Variants in INTS6 observed in about 807,000 individuals in gnomAD.
INTS6 encodes integrator complex subunit 6.
In INTS6, 16 loss-of-function variants were observed where a neutral mutation model predicts 104.9. That is an observed-to-expected ratio of 0.15 (90% confidence interval 0.10 to 0.23). The LOEUF (loss-of-function observed/expected upper bound fraction) is 0.23, where lower values mean the gene tolerates loss of function less well. INTS6 is among the 10% of genes least tolerant of loss of function. The pLI, the probability that INTS6 is intolerant of heterozygous loss-of-function variation, is 1.00. For missense variants in INTS6, 584 were observed against 1,062.8 expected, an observed-to-expected ratio of 0.55 and a Z score of 6.26; for synonymous variants, 324 against 358.7, an observed-to-expected ratio of 0.90 and a Z score of 1.09.
At chr13:51,405,161 A>G (rs2138008199) in intron 4 of INTS6, among the ~76,000 whole-genome samples, 1 of 152,334 alleles carries the variant, frequency 6.6e-6, no homozygotes, top group African/African-American at 2.4e-5. Flanking sequence ...ATGATCAAAC[A>G]CATAGGAGAC....
the INTS6 span, among the ~76,000 whole-genome samples, chr13:51,341,885 C>T: frequency 6.6e-6 from 1 of 152,214 alleles, no homozygotes; most frequent in African/African-American, 2.4e-5. Context: ...CAAGCCCAGG[C>T]TGCCTGGTTT....
intron 4 of INTS6, among the ~76,000 whole-genome samples, chr13:51,421,601 A>T (rs957651788): frequency 6.6e-6 from 1 of 152,192 alleles, no homozygotes; most frequent in African/African-American, 2.4e-5. Flanking sequence ...AGTTAAATAA[A>T]ATCACTATGG....
At chr13:51,361,213 G>GTGT, downstream of INTS6, 1 of 996,386 alleles carries the variant, frequency 1.0e-6, no homozygotes, top group South Asian at 1.4e-5. Context: ...TTTAAAGAAT[G>GTGT]TGTTCTAAAT....
intron 4 of INTS6, among the ~76,000 whole-genome samples, chr13:51,424,553 G>A (rs1956953638): frequency 1.3e-5 from 2 of 151,920 alleles, no homozygotes; most frequent in African/African-American, 4.8e-5. Flanking sequence ...AAATCCAGGG[G>A]TTGAGAGAAC....
At chr13:51,425,750 T>C (rs532781509) in intron 4 of INTS6, among the ~76,000 whole-genome samples, 4 of 152,086 alleles carry the variant, frequency 2.6e-5, no homozygotes, top group South Asian at 4.2e-4. Flanking sequence ...TCCTTTTCAA[T>C]AACTCTAATT....
chr13:51,340,207 A>G, the INTS6 span, among the ~76,000 whole-genome samples: 1 of 152,176 alleles, frequency 6.6e-6, no homozygotes, highest in East Asian at 1.9e-4. Flanking sequence ...TTGGTATGAT[A>G]CCACAGTCAG....
At chr13:51,344,150 G>A in the INTS6 span, 1 of 787,478 alleles carries the variant, frequency 1.3e-6, no homozygotes, top group Non-Finnish European at 2.1e-6. Context: ...GAGCAAGAGT[G>A]GAGTTGCTGG....
At position 51,383,745 on chromosome 13, in the gene INTS6, A is replaced by G; in HGVS notation, c.895-4T>C. On this transcript the variant is annotated splice_polypyrimidine_tract_variant and splice_region_variant and intron_variant, in intron 7 of 17. Coordinates refer to ENST00000311234, the MANE Select transcript of INTS6 (RefSeq NM_012141.3). ...CAGGATGAGATGTACGAGGTGGCTA[A>G]AGGGGAAAGTCTTGTAATTACTACT... 1 of 1,600,528 alleles carries G rather than the reference A, an allele frequency of 6.2e-7. No homozygotes were observed. Among genetic ancestry groups the G allele is most frequent in the Middle Eastern group, 1.7e-4 (1 of 6,014 alleles).
At chr13:51,352,358 T>C (rs2137796519), downstream of INTS6, among the ~76,000 whole-genome samples, 1 of 152,240 alleles carries the variant, frequency 6.6e-6, no homozygotes, top group African/African-American at 2.4e-5. Context: ...ATTTTACTCC[T>C]TTTAATTTTT....
chr13:51,355,949 A>C (rs1236401948), intron 3 of INTS6, among the ~76,000 whole-genome samples: 1 of 152,152 alleles, frequency 6.6e-6, no homozygotes, highest in Non-Finnish European at 1.5e-5. Flanking sequence ...GAAAATCACT[A>C]TTTTGAATTC....
chr13:51,405,777 A>G (rs976872632), intron 4 of INTS6, among the ~76,000 whole-genome samples: 4 of 152,176 alleles, frequency 2.6e-5, no homozygotes, highest in African/African-American at 9.7e-5. Context: ...GCAGCACCAA[A>G]GCCCCAGACA....
intron 15 of INTS6, among the ~76,000 whole-genome samples, chr13:51,370,078 T>C (rs1257253300): frequency 6.6e-6 from 1 of 152,110 alleles, no homozygotes; most frequent in Non-Finnish European, 1.5e-5. Context: ...TTTACCCATA[T>C]TCCCCTATAC....
intron 4 of INTS6, chr13:51,422,951 C>A: frequency 1.4e-6 from 1 of 721,106 alleles, no homozygotes. Context: ...TTACTCCTTT[C>A]TTTACGCTGT....
chr13:51,450,672 G>A (rs1429797986), intron 3 of INTS6: 2 of 995,216 alleles, frequency 2.0e-6, no homozygotes, highest in African/African-American at 3.5e-5. Flanking sequence ...ACACGAACTA[G>A]TGTCTCTAAG....
intron 14 of INTS6, 65 bp from the exon 15 acceptor site, chr13:51,374,504 T>A (rs957547977): frequency 2.6e-6 from 4 of 1,534,626 alleles, no homozygotes; most frequent in African/African-American, 2.7e-5. Flanking sequence ...ACAACCAGTG[T>A]CAATTCCAAT....
chr13:51,348,574 T>G, the INTS6 span: 1 of 608,770 alleles, frequency 1.6e-6, no homozygotes, highest in Non-Finnish European at 2.9e-6. Flanking sequence ...ACCCTAGAGT[T>G]TGAGTTCATT....
At chr13:51,431,439 C>T (rs1333810071) in intron 3 of INTS6, among the ~76,000 whole-genome samples, 1 of 152,104 alleles carries the variant, frequency 6.6e-6, no homozygotes. Context: ...TCATTTCTAA[C>T]AAGACTGGCA....
downstream of INTS6, among the ~76,000 whole-genome samples, chr13:51,351,245 C>A (rs567513432): frequency 6.6e-6 from 1 of 152,160 alleles, no homozygotes. Context: ...CAAGTCACTG[C>A]ACCATTTTAC....
At chr13:51,346,825 A>C in the INTS6 span, among the ~76,000 whole-genome samples, 1 of 152,374 alleles carries the variant, frequency 6.6e-6, no homozygotes, top group African/African-American at 2.4e-5. Context: ...GGTCCCTGAC[A>C]GCACAAGGAG....
Sources: allele counts gnomAD v4.1 joint callset (sites outside exome capture counted in the v4.1 genomes callset), GRCh38; gene constraint gnomAD v4.1.1; transcripts MANE v1.5; gene names NCBI Gene and HGNC (gene_info 2026-07-23, HGNC 2026-07-21).